Variants in HHAT observed in about 807,000 individuals in gnomAD.
The protein encoded by HHAT is hedgehog acyltransferase, also known as protein-cysteine N-palmitoyltransferase HHAT.
Under a neutral mutation model 70.8 loss-of-function variants are expected in HHAT, and 47 were observed. That is an observed-to-expected ratio of 0.66 (90% CI 0.53 to 0.85). The LOEUF is 0.85. HHAT is among the 40% of genes least tolerant of loss of function. The probability of loss-of-function intolerance (pLI) is 0.00; values close to 1 mark genes in which losing one functional copy is unlikely to be tolerated. For missense variants in HHAT, 609 were observed against 604.8 expected (o/e 1.01, Z -0.07); for synonymous variants, 228 against 247.6 (o/e 0.92, Z 0.74).
chr1:210,492,445 G>A (rs1351977913), intron 8 of HHAT, among the ~76,000 whole-genome samples: 1 of 152,186 alleles, frequency 6.6e-6, no homozygotes, highest in Non-Finnish European at 1.5e-5. Flanking sequence ...ATGAGTGGAT[G>A]GTTAGATGGG....
chr1:210,432,131 C>T (rs897154502), intron 7 of HHAT, among the ~76,000 whole-genome samples: 1 of 151,676 alleles, frequency 6.6e-6, no homozygotes, highest in South Asian at 2.1e-4. Context: ...ACCAATTTCC[C>T]AGGGATGCGA....
intron 7 of HHAT, among the ~76,000 whole-genome samples, chr1:210,435,808 G>A (rs1261412216): frequency 6.6e-6 from 1 of 151,624 alleles, no homozygotes; most frequent in Non-Finnish European, 1.5e-5. Context: ...TTTTAAATGG[G>A]ATTCTTTCTT....
chr1:210,569,393 A>AAAAAAAAAAAAAAAAAAAAAAAAAC (rs1655650983), intron 9 of HHAT, among the ~76,000 whole-genome samples: 2 of 148,082 alleles, frequency 1.4e-5, no homozygotes, highest in Non-Finnish European at 3.0e-5. Context: ...AAAAAAAAAA[A>AAAAAAAAAAAAAAAAAAAAAAAAAC]AAAAAAGCGT....
upstream of HHAT, among the ~76,000 whole-genome samples, chr1:210,328,577 C>CT (rs2084708738): frequency 1.3e-5 from 2 of 152,258 alleles, no homozygotes; most frequent in African/African-American, 4.8e-5. Context: ...GAACTACCTC[C>CT]TTTCGCCTAC....
intron 8 of HHAT, among the ~76,000 whole-genome samples, chr1:210,503,463 G>A (rs536028578): frequency 1.8e-4 from 27 of 152,268 alleles, no homozygotes; most frequent in African/African-American, 5.5e-4. Context: ...CTCATCTGAT[G>A]ACTTTGCTTT....
intron 10 of HHAT, among the ~76,000 whole-genome samples, chr1:210,603,544 A>C (rs1320145791): frequency 2.0e-5 from 3 of 152,182 alleles, no homozygotes; most frequent in Non-Finnish European, 4.4e-5. Flanking sequence ...ACAAAGCTTG[A>C]ATTTCCAGTG....
At chr1:210,595,748 G>T (rs1480743186) in intron 10 of HHAT, among the ~76,000 whole-genome samples, 1 of 152,076 alleles carries the variant, frequency 6.6e-6, no homozygotes, top group South Asian at 2.1e-4. Context: ...GTGTCTTTTG[G>T]CTGCATAAAT....
chr1:210,515,240 C>T (rs2095034133), intron 9 of HHAT, among the ~76,000 whole-genome samples: 1 of 152,172 alleles, frequency 6.6e-6, no homozygotes, highest in Non-Finnish European at 1.5e-5. Context: ...GCATCCCTAG[C>T]CTCTGGGAGT....
intron 8 of HHAT, among the ~76,000 whole-genome samples, chr1:210,493,749 C>T (rs1031453503): frequency 1.2e-4 from 19 of 152,082 alleles, no homozygotes; most frequent in African/African-American, 4.3e-4. Context: ...CGTCTCAAGG[C>T]GGCCCATTTG....
At chr1:210,442,374 G>A (rs1445182012) in intron 7 of HHAT, among the ~76,000 whole-genome samples, 1 of 142,442 alleles carries the variant, frequency 7.0e-6, no homozygotes, top group African/African-American at 2.6e-5. Context: ...CCAGTAATGG[G>A]ATGGCTGGGT....
At chr1:210,512,320 C>T (rs2094969086) in intron 8 of HHAT, among the ~76,000 whole-genome samples, 1 of 152,108 alleles carries the variant, frequency 6.6e-6, no homozygotes, top group Admixed American at 6.5e-5. Context: ...CCACACCAGC[C>T]TCTCCCTGCC....
chr1:210,331,256 GT>G (rs376308387), intron 1 of HHAT, among the ~76,000 whole-genome samples: 5 of 152,262 alleles, frequency 3.3e-5, no homozygotes, highest in Non-Finnish European at 5.9e-5. Flanking sequence ...ATCTGGGGGG[GT>G]GTGTTGGTAG....
chr1:210,574,293 G>A (rs1035169322), intron 9 of HHAT, among the ~76,000 whole-genome samples: 1 of 152,202 alleles, frequency 6.6e-6, no homozygotes, highest in Non-Finnish European at 1.5e-5. Flanking sequence ...TTCTGTGGCT[G>A]GGGGATGGGA....
intron 10 of HHAT, among the ~76,000 whole-genome samples, chr1:210,619,844 TC>T (rs944334975): frequency 3.8e-4 from 58 of 152,352 alleles, no homozygotes; most frequent in African/African-American, 1.4e-3. Context: ...CTCTCTTTTA[TC>T]CTGATAAATT....
chr1:210,416,459 T>C (rs373450418), intron 6 of HHAT, among the ~76,000 whole-genome samples: 1 of 152,258 alleles, frequency 6.6e-6, no homozygotes, highest in East Asian at 1.9e-4. Context: ...CTGTTCTCTC[T>C]AGTTTTTCTG....
intron 9 of HHAT, among the ~76,000 whole-genome samples, chr1:210,544,297 C>T (rs1236216848): frequency 6.6e-6 from 1 of 151,654 alleles, no homozygotes; most frequent in East Asian, 1.9e-4. Flanking sequence ...AGTATCTTTA[C>T]CTAGAGAAAG....
At chr1:210,413,872 A>G (rs943878065) in intron 6 of HHAT, among the ~76,000 whole-genome samples, 14 of 152,168 alleles carry the variant, frequency 9.2e-5, no homozygotes, top group African/African-American at 3.4e-4. Context: ...AGATCCATTT[A>G]CAGCAATGTA....
intron 9 of HHAT, among the ~76,000 whole-genome samples, chr1:210,546,934 A>G (rs1234188511): frequency 6.6e-6 from 1 of 152,180 alleles, no homozygotes; most frequent in Non-Finnish European, 1.5e-5. Context: ...GAAGTGACAG[A>G]TTGTGATGAA....
At chr1:210,353,311 T>C (rs1163725298) in intron 2 of HHAT, among the ~76,000 whole-genome samples, 1 of 152,178 alleles carries the variant, frequency 6.6e-6, no homozygotes, top group African/African-American at 2.4e-5. Context: ...CTTGAACGAA[T>C]TGATGCCTCT....
Sources: gnomAD v4.1 joint callset for allele counts (sites outside exome capture counted in the v4.1 genomes callset) on GRCh38, gnomAD v4.1.1 for gene constraint, MANE v1.5 for transcripts, NCBI Gene and HGNC (gene_info 2026-07-23, HGNC 2026-07-21) for gene names.